ARAP2: variants seen among roughly 807,000 people sequenced by gnomAD.
The protein encoded by ARAP2 is ArfGAP with RhoGAP domain, ankyrin repeat and PH domain 2, also known as arf-GAP with Rho-GAP domain, ANK repeat and PH domain-containing protein 2.
In ARAP2, 148 loss-of-function variants were observed where a neutral mutation model predicts 194.5. The ratio of observed to expected loss-of-function variants is 0.76; its 90% CI spans 0.67 to 0.87. The LOEUF (loss-of-function observed/expected upper bound fraction) is 0.87, where lower values mean the gene tolerates loss of function less well. Among genes scored for constraint, ARAP2 ranks in the 40% least tolerant of loss-of-function variants. The pLI is 0.00. For missense variants in ARAP2, 2,128 were observed against 1,989.7 expected (o/e 1.07, Z -1.32); for synonymous variants, 695 against 683.5 (o/e 1.02, Z -0.26).
At chr4:36,021,721 A>G (rs1314263806) in intron 5 of ARAP2, among the ~76,000 whole-genome samples, 1 of 152,112 alleles carries the variant, frequency 6.6e-6, no homozygotes, top group Non-Finnish European at 1.5e-5. Flanking sequence ...ACAGCCTAAT[A>G]TAGGATATGT....
Position 36,156,427 on chromosome 4 carries a change from GAA to G in ARAP2, c.2752+2301_2752+2302del, listed in dbSNP as rs1732485983. ...AGAAAGAAAGAAAGAAAGAAAGAAA[GAA>G]AGAAAGAAAGAAAGAGAAAGAAAGA... On this transcript the variant is annotated intron_variant, in intron 15 of 32. Transcript: ENST00000303965. 2.4e-4 allele frequency among the ~76,000 whole-genome samples: 4 copies of G among 16,670 alleles called. 1 individual carries two copies. The highest frequency in any genetic ancestry group is 4.3e-4 in the Non-Finnish European group (4 of 9,308). The allele number at this position is 16,670 out of a possible 152,430, so 10.9% of individuals were successfully genotyped here. A position where few individuals can be genotyped will look rare whatever the true frequency, so the allele number is the denominator to read the frequency against.
intron 6 of ARAP2, chr4:36,209,553 T>C (rs1468043811): frequency 3.1e-6 from 1 of 324,124 alleles, no homozygotes; most frequent in Non-Finnish European, 6.0e-6. Context: ...TTTTTTCCAA[T>C]TAAAATTATT....
intron 9 of ARAP2, among the ~76,000 whole-genome samples, chr4:36,009,356 G>A (rs7696804): frequency 0.12 from 18,664 of 152,048 alleles, 1,141 homozygotes; most frequent in East Asian, 0.22. Flanking sequence ...ACTATGCAGC[G>A]ATAAAAAAGA....
At chr4:36,238,588 G>A (rs1022732487) in intron 1 of ARAP2, among the ~76,000 whole-genome samples, 1 of 152,166 alleles carries the variant, frequency 6.6e-6, no homozygotes, top group African/African-American at 2.4e-5. Context: ...GGGAAATGCT[G>A]TTTAAATATA....
Position 36,193,410 on chromosome 4 carries a change from C to T in ARAP2, c.1557+168G>A, listed in dbSNP as rs1742385692. On this transcript the variant is annotated intron_variant, in intron 7 of 32. Coordinates refer to ENST00000303965, the MANE Select transcript of ARAP2 (RefSeq NM_015230.4). ...GAAAGTACATACTTAAGACAAAAAT[C>T]ATCTGATTTTAATTAACTAAGCATA... Among the ~76,000 whole-genome samples, 4 of 152,120 alleles carry T rather than the reference C, an allele frequency of 2.6e-5. No homozygotes were observed. In the South Asian group the frequency reaches 8.3e-4, roughly 31 times the overall value.
At chr4:36,209,848 T>G (rs1746345934) in intron 6 of ARAP2, among the ~76,000 whole-genome samples, 1 of 152,194 alleles carries the variant, frequency 6.6e-6, no homozygotes, top group South Asian at 2.1e-4. Context: ...CATTTGTTGA[T>G]AAATCCAAAG....
intron 6 of ARAP2, among the ~76,000 whole-genome samples, chr4:36,199,761 T>C (rs1320881419): frequency 6.6e-6 from 1 of 152,222 alleles, no homozygotes; most frequent in Non-Finnish European, 1.5e-5. Context: ...GGAGATCTAA[T>C]ATACAGCATG....
intron 31 of ARAP2, among the ~76,000 whole-genome samples, chr4:36,079,173 C>A (rs1486330004): frequency 2.8e-3 from 217 of 77,556 alleles, no homozygotes; most frequent in African/African-American, 4.8e-3. Flanking sequence ...GACTCTGTCT[C>A]AAAAAAAAAA....
At chr4:36,242,048 T>C (rs930991725) in intron 1 of ARAP2, among the ~76,000 whole-genome samples, 2 of 152,172 alleles carry the variant, frequency 1.3e-5, no homozygotes, top group Non-Finnish European at 2.9e-5. Context: ...AAGAAACAAG[T>C]GAGCAAAATG....
chr4:36,176,890 G>T (rs947110162), intron 9 of ARAP2, among the ~76,000 whole-genome samples: 2 of 151,926 alleles, frequency 1.3e-5, no homozygotes, highest in African/African-American at 4.8e-5. Flanking sequence ...AAAATAGTCA[G>T]CATTTATATT....
chr4:36,174,044 T>C (rs1054189218), intron 9 of ARAP2, among the ~76,000 whole-genome samples: 2 of 152,214 alleles, frequency 1.3e-5, no homozygotes, highest in African/African-American at 2.4e-5. Context: ...CATTATGTGT[T>C]ACCCCTTCAG....
At chr4:36,061,980 C>A (rs1724516423), downstream of ARAP2, among the ~76,000 whole-genome samples, 1 of 152,154 alleles carries the variant, frequency 6.6e-6, no homozygotes, top group Admixed American at 6.5e-5. Flanking sequence ...TCTTTGCCAA[C>A]TTTTAATCAA....
intron 28 of ARAP2, among the ~76,000 whole-genome samples, chr4:36,088,099 A>G (rs1712432013): frequency 6.6e-6 from 1 of 152,092 alleles, no homozygotes; most frequent in Non-Finnish European, 1.5e-5. Context: ...TACTACTACC[A>G]CCAACTACTA....
chr4:36,212,599 T>A, intron 4 of ARAP2, 112 bp from the exon 5 acceptor site: 1 of 629,466 alleles, frequency 1.6e-6, no homozygotes, highest in Non-Finnish European at 2.7e-6. Context: ...TGAGTTTAGT[T>A]TTATTAAATA....
Position 36,171,745 on chromosome 4 carries a change from T to C in ARAP2, c.1858-4698A>G, listed in dbSNP as rs536539980. 7.2e-5 allele frequency among the ~76,000 whole-genome samples: 11 copies of C among 152,274 alleles called. No homozygotes were observed. The East Asian group carries it at 7.7e-4, about 11-fold the overall frequency. ...CACAGGACTAGCTAGCTCTTGTTAT[T>C]ATTATTTTTATTTTATACCTTTTGA... is the stretch of plus-strand genomic sequence containing the variant. On this transcript the variant is annotated intron_variant, in intron 9 of 32. Transcript: ENST00000303965.
intron 1 of ARAP2, among the ~76,000 whole-genome samples, chr4:36,238,444 A>C (rs1752847931): frequency 2.0e-5 from 3 of 152,100 alleles, no homozygotes; most frequent in Admixed American, 2.0e-4. Context: ...TAAGAGTCAG[A>C]CTCCACAACC....
intron 22 of ARAP2, among the ~76,000 whole-genome samples, chr4:36,123,291 C>A (rs527718638): frequency 1.5e-4 from 23 of 151,828 alleles, no homozygotes; most frequent in Admixed American, 2.6e-4. Flanking sequence ...GAGGATATTA[C>A]TGATGGAGGA....
chr4:36,221,358 GA>G (rs1306340443), intron 2 of ARAP2, among the ~76,000 whole-genome samples: 3 of 151,974 alleles, frequency 2.0e-5, no homozygotes, highest in South Asian at 4.1e-4. Context: ...AAAAAAATGA[GA>G]AATAAGATTA....
At chr4:36,156,447 A>AAG (rs1732533364) in intron 15 of ARAP2, among the ~76,000 whole-genome samples, 4 of 13,376 alleles carry the variant, frequency 3.0e-4, no homozygotes, top group Admixed American at 1.2e-3. Flanking sequence ...AAGAAAGAGA[A>AAG]AGAAAGAAAG....
Sources: gnomAD v4.1 joint callset for allele counts (sites outside exome capture counted in the v4.1 genomes callset) on GRCh38, gnomAD v4.1.1 for gene constraint, MANE v1.5 for transcripts, NCBI Gene and HGNC (gene_info 2026-07-23, HGNC 2026-07-21) for gene names.